Variants in RALGDS observed in about 807,000 individuals in gnomAD.
The protein encoded by RALGDS is ral guanine nucleotide exchange factor.
RALGDS carries 44 observed loss-of-function variants against 99.8 expected under a neutral mutation model. The observed-to-expected ratio is 0.44, with a 90% CI of 0.35 to 0.57. RALGDS has a LOEUF of 0.57. RALGDS is among the 20% of genes least tolerant of loss of function. The pLI, the probability that RALGDS is intolerant of heterozygous loss-of-function variation, is 0.01. For missense variants in RALGDS, 1,022 were observed against 1,203.1 expected (o/e 0.85, Z 2.23); for synonymous variants, 529 against 505.0 (o/e 1.05, Z -0.64).
upstream of RALGDS, among the ~76,000 whole-genome samples, chr9:133,124,700 C>G (rs1187336385): frequency 6.6e-6 from 1 of 152,244 alleles, no homozygotes; most frequent in Non-Finnish European, 1.5e-5. Context: ...GGGCCTGACT[C>G]TGCCTCACAC....
intron 9 of RALGDS, among the ~76,000 whole-genome samples, chr9:133,104,820 TAAAA>T (rs1016539856): frequency 2.0e-5 from 3 of 152,042 alleles, no homozygotes; most frequent in South Asian, 4.2e-4. Context: ...TCTAAACAAA[TAAAA>T]AAACTCCACC....
At chr9:133,123,769 C>G (rs867444530), upstream of RALGDS, among the ~76,000 whole-genome samples, 86 of 84,638 alleles carry the variant, frequency 1.0e-3, no homozygotes, top group Non-Finnish European at 1.3e-3. Context: ...CACACACACA[C>G]AGAGACACAA....
rs1831209390 is a variant in RALGDS at position 133,108,977 on chromosome 9, C to T, written c.585-111G>A. ...AAGGCCACCTGCCCCGGCCCAAGCC[C>T]CCTTGGCTGTCCAGCTAAAAGAACC... On this transcript the variant is annotated intron_variant, in intron 4 of 17. Transcript: ENST00000372050. The T allele has an allele frequency of 4.6e-6, 5 of 1,089,954 alleles. No individual in the cohort carries two copies. The Admixed American group carries it at 6.1e-5, about 13-fold the overall frequency. The allele number at this position is 1,089,954 out of a possible 1,614,324, so 67.5% of individuals were successfully genotyped here.
At chr9:133,135,491 G>A (rs562942634), upstream of RALGDS, among the ~76,000 whole-genome samples, 856 of 152,314 alleles carry the variant, frequency 5.6e-3, 6 homozygotes, top group Non-Finnish European at 9.1e-3. Context: ...TTGGCTTTGA[G>A]CCCAGCAGGA....
chr9:133,101,765 G>A lies in RALGDS; in HGVS notation c.2212-3C>T. 1 of 1,601,550 alleles carries A rather than the reference G, an allele frequency of 6.2e-7. No homozygotes were observed. Among genetic ancestry groups the A allele is most frequent in the Non-Finnish European group, 8.5e-7 (1 of 1,173,988 alleles). ...GACTGTGAGGCTGATTCCCAGAACT[G>A]AGGGAGACGGTAAGATCAGCAGATC... On this transcript the variant is annotated splice_polypyrimidine_tract_variant and splice_region_variant and intron_variant, in intron 15 of 17. Transcript: ENST00000372050.
In RALGDS at chr9:133,120,987, G is replaced by C; in HGVS notation, c.168C>G (p.Asp56Glu). The C allele has an allele frequency of 5.4e-6, 8 of 1,486,986 alleles. No individual in the cohort carries two copies. The highest frequency in any genetic ancestry group is 7.1e-6 in the Non-Finnish European group (8 of 1,124,884). The allele number at this position is 1,486,986 out of a possible 1,614,324, so 92.1% of individuals were successfully genotyped here. A position where few individuals can be genotyped will look rare whatever the true frequency, so the allele number is the denominator to read the frequency against. Reference protein sequence around the residue: ...VLHSFTQLDPDLPRPESSTQE... With the variant: ...VLHSFTQLDPELPRPESSTQE... ...GCTCACCCACCTCCGGGCGCGGCAGGTCGGGGTCTAGCTGCGTGAAGCTGT... is the reference window on the plus strand; with the variant it reads ...GCTCACCCACCTCCGGGCGCGGCAGCTCGGGGTCTAGCTGCGTGAAGCTGT... The change falls in exon 1 of 18, where the codon GAC (aspartate) becomes GAG (glutamate). Residue 56 changes from aspartate (D) to glutamate (E), a missense_variant. Asp to Glu is a conservative substitution (Grantham distance 45). This residue lies in a region of RALGDS where 180 missense variants were observed against 169.3 expected (regional missense o/e 1.06). Coordinates refer to ENST00000372050, the MANE Select transcript of RALGDS (RefSeq NM_006266.4).
At chr9:133,120,528 C>T (rs1285893668) in intron 1 of RALGDS, among the ~76,000 whole-genome samples, 1 of 151,098 alleles carries the variant, frequency 6.6e-6, no homozygotes, top group Non-Finnish European at 1.5e-5. Context: ...ATGGTCTCAT[C>T]ACCTCTGAGG....
intron 1 of RALGDS, chr9:133,129,018 C>A: frequency 7.9e-7 from 1 of 1,267,780 alleles, no homozygotes. Flanking sequence ...TTCCAAACTC[C>A]TCCAACCAGT....
chr9:133,119,973 G>A (rs1831835415), intron 1 of RALGDS, among the ~76,000 whole-genome samples: 1 of 152,184 alleles, frequency 6.6e-6, no homozygotes, highest in Non-Finnish European at 1.5e-5. Context: ...ACGCAGCAAG[G>A]CAACACGATG....
rs570440926 is a variant in RALGDS, at chr9:133,129,483, G to A, written c.132+1469C>T. ...GTGACAGGCAGGACCAGGAATTCCC[G>A]CTTGTACCAGGCCATGGGCCAGCCG... On this transcript the variant is annotated intron_variant, in intron 1 of 17. Coordinates refer to the RALGDS transcript ENST00000372062. 4.3e-5 allele frequency: 59 copies of A among 1,370,648 alleles called. 1 individual carries two copies. In the South Asian group the frequency reaches 5.3e-4, roughly 12 times the overall value. The allele number at this position is 1,370,648 out of a possible 1,614,324, so 84.9% of individuals were successfully genotyped here.
intron 13 of RALGDS, 62 bp from the exon 14 acceptor site, chr9:133,102,633 C>G: frequency 1.2e-6 from 2 of 1,607,046 alleles, no homozygotes; most frequent in South Asian, 2.2e-5. Flanking sequence ...CCCCCAGCAC[C>G]TGCCCAGAAG....
intron 16 of RALGDS, chr9:133,100,691 C>T: frequency 1.6e-6 from 2 of 1,259,868 alleles, no homozygotes; most frequent in Non-Finnish European, 2.0e-6. Flanking sequence ...ACTTGCCCCT[C>T]CAGGATAACA....
chr9:133,114,243 G>A (rs73662457), intron 1 of RALGDS, among the ~76,000 whole-genome samples: 292 of 152,304 alleles, frequency 1.9e-3, no homozygotes, highest in African/African-American at 6.6e-3. Context: ...TCACACAGTC[G>A]GGGAGACGCT....
At chr9:133,118,646 G>T (rs1445641136) in intron 1 of RALGDS, among the ~76,000 whole-genome samples, 1 of 152,198 alleles carries the variant, frequency 6.6e-6, no homozygotes, top group Non-Finnish European at 1.5e-5. Flanking sequence ...GCTTCCTCCA[G>T]GTAGCTCTCC....
chr9:133,129,195 CG>C (rs1832257455), intron 1 of RALGDS: 1 of 1,596,948 alleles, frequency 6.3e-7, no homozygotes, highest in African/African-American at 1.3e-5. Context: ...CTTTGGAGAG[CG>C]GCACGACGGG....
rs1328810304 is a variant in RALGDS at position 133,110,447 on chromosome 9, C to T, written c.337G>A (p.Val113Met). 6.2e-7 allele frequency: 1 copy of T among 1,613,456 alleles called. No individual in the cohort carries two copies. The highest frequency in any genetic ancestry group is 1.7e-5 in the Admixed American group (1 of 60,028). Residue 113 changes from valine to methionine, a missense_variant, in exon 3 of 18, where the codon GTG (valine) becomes ATG (methionine). Val to Met is a conservative substitution (Grantham distance 21, BLOSUM62 1). Transcript: ENST00000372050. ...SALNLYETCK[V>M]RTVKAGTLEK... is the part of the protein sequence containing the mutation. The stretch of plus-strand genomic sequence containing the variant: ...AGCGTGCCAGCCTTCACGGTCCGCA[C>T]CTTGCAAGTCTCATAAAGGTTCAGG...
chr9:133,127,540 G>A (rs957380610), intron 1 of RALGDS, among the ~76,000 whole-genome samples: 2 of 152,204 alleles, frequency 1.3e-5, no homozygotes, highest in Admixed American at 6.5e-5. Flanking sequence ...CAACACTGAC[G>A]TCACCATTCC....
intron 9 of RALGDS, 100 bp downstream of exon 9, chr9:133,105,825 GCCCCCGC>G: frequency 1.1e-5 from 1 of 87,590 alleles, no homozygotes; most frequent in Non-Finnish European, 1.9e-5. Flanking sequence ...CGCCGCCCCA[GCCCCCGC>G]CCCAGCCCCC....
At chr9:133,117,266 G>A (rs1831653787) in intron 1 of RALGDS, among the ~76,000 whole-genome samples, 1 of 152,204 alleles carries the variant, frequency 6.6e-6, no homozygotes, top group Non-Finnish European at 1.5e-5. Context: ...AGGAGAGCTG[G>A]CATCATGTCC....
Sources: gnomAD v4.1 joint callset for allele counts (sites outside exome capture counted in the v4.1 genomes callset) on GRCh38, gnomAD v4.1.1 for gene constraint, gnomAD v4.1.1 regional missense constraint, MANE v1.5 for transcripts, NCBI Gene and HGNC (gene_info 2026-07-23, HGNC 2026-07-21) for gene names.